EYS: variants seen among roughly 807,000 people sequenced by gnomAD.
EYS encodes the protein protein eyes shut homolog.
In EYS, 250 loss-of-function variants were observed where a neutral mutation model predicts 282.1. The ratio of observed to expected loss-of-function variants is 0.89; its 90% CI spans 0.80 to 0.98. The LOEUF (loss-of-function observed/expected upper bound fraction) is 0.98. Ranked by LOEUF, EYS falls within the 50% of genes least tolerant of loss-of-function variation. The pLI, the probability that EYS is intolerant of heterozygous loss-of-function variation, is 0.00. For synonymous variants in EYS, 1,355 were observed against 1,282.9 expected, an observed-to-expected ratio of 1.06 and a Z score of -1.20; for missense variants, 4,016 against 3,709.0, an observed-to-expected ratio of 1.08 and a Z score of -2.15.
chr6:65,480,333 T>A (rs1020279912), intron 5 of EYS, among the ~76,000 whole-genome samples: 5 of 152,144 alleles, frequency 3.3e-5, no homozygotes, highest in Non-Finnish European at 5.9e-5. Flanking sequence ...GTGAGCCATA[T>A]TGGCTTTCAA....
In EYS at chr6:63,721,389, T is replaced by G; in HGVS notation, c.8642A>C (p.Tyr2881Ser). ...TTCACCTCCATTTCTGCATGTGTTG[T>G]ACCCACAGGCTGTCCCATCACAGTC... Reference protein sequence around the residue: ...VGDCDGTACGYNTCRNGGECT... With the variant: ...VGDCDGTACGSNTCRNGGECT... Residue 2881 changes from tyrosine (Y) to serine (S), a missense_variant, in exon 43 of 43, where the codon TAC (tyrosine) becomes TCC (serine). Tyr to Ser is a moderately radical substitution (Grantham distance 144). Transcript: ENST00000503581. 2 of 1,551,752 alleles carry G rather than the reference T, an allele frequency of 1.3e-6. No individual in the cohort carries two copies. The highest frequency in any genetic ancestry group is 1.7e-6 in the Non-Finnish European group (2 of 1,146,910).
intron 13 of EYS, among the ~76,000 whole-genome samples, chr6:65,027,435 A>C (rs1772455734): frequency 6.6e-6 from 1 of 152,144 alleles, no homozygotes; most frequent in East Asian, 1.9e-4. Flanking sequence ...GATGTTTTTA[A>C]TTTGTGTACA....
intron 30 of EYS, among the ~76,000 whole-genome samples, chr6:64,254,735 G>A (rs981909130): frequency 7.2e-5 from 11 of 152,074 alleles, no homozygotes; most frequent in Non-Finnish European, 1.3e-4. Context: ...TTCTTGCCAC[G>A]TAGTAAATAA....
intron 24 of EYS, among the ~76,000 whole-genome samples, chr6:64,599,976 A>G (rs148828599): frequency 1.1e-3 from 164 of 152,274 alleles, no homozygotes; most frequent in African/African-American, 3.7e-3. Context: ...AACAGTTTCT[A>G]TTATCTCAAT....
At chr6:64,569,507 G>A (rs1030302256) in intron 26 of EYS, among the ~76,000 whole-genome samples, 2 of 151,806 alleles carry the variant, frequency 1.3e-5, no homozygotes, top group African/African-American at 2.4e-5. Context: ...TTTGGGAGGC[G>A]GAGGTGGGGG....
Position 63,937,345 on chromosome 6 carries a change from C to CTTTTTTTTT in EYS, c.7055+47029_7055+47037dup, listed in dbSNP as rs778809745. Among the ~76,000 whole-genome samples the CTTTTTTTTT allele has an allele frequency of 4.6e-4, 25 of 54,442 alleles. 1 individual carries two copies. Among genetic ancestry groups the CTTTTTTTTT allele is most frequent in the East Asian group, 6.5e-4 (1 of 1,540 alleles). 35.7% of individuals were successfully genotyped at this position (54,442 alleles called of 152,430 possible). ...CAAATTTTCTAGGCTTCTCTCTTTT[C>CTTTTTTTTT]TTTTTTTTTTTTTTTTTTTTTTTTT... On this transcript the variant is annotated intron_variant, in intron 35 of 42. Transcript: ENST00000503581.
intron 26 of EYS, among the ~76,000 whole-genome samples, chr6:64,586,263 T>C (rs551622979): frequency 2.6e-5 from 4 of 152,188 alleles, no homozygotes; most frequent in East Asian, 1.9e-4. Flanking sequence ...CAGACACTCA[T>C]TGAACTTGCT....
At chr6:63,843,208 A>G (rs1490081174) in intron 36 of EYS, among the ~76,000 whole-genome samples, 1 of 152,164 alleles carries the variant, frequency 6.6e-6, no homozygotes, top group African/African-American at 2.4e-5. Flanking sequence ...CAGTATGACC[A>G]TTTTCACGAT....
At chr6:65,311,022 A>G (rs1310063009) in intron 11 of EYS, among the ~76,000 whole-genome samples, 1 of 152,136 alleles carries the variant, frequency 6.6e-6, no homozygotes, top group Non-Finnish European at 1.5e-5. Context: ...AATATCTGTC[A>G]AATGAATACG....
At chr6:65,288,212 T>C (rs546268260) in intron 12 of EYS, among the ~76,000 whole-genome samples, 30 of 151,028 alleles carry the variant, frequency 2.0e-4, no homozygotes, top group African/African-American at 3.1e-4. Flanking sequence ...GACAAACTTA[T>C]GTCTGAGGGA....
intron 22 of EYS, among the ~76,000 whole-genome samples, chr6:64,773,032 A>C (rs770031256): frequency 3.3e-5 from 5 of 151,764 alleles, no homozygotes; most frequent in Non-Finnish European, 7.4e-5. Flanking sequence ...TGTTACATGG[A>C]TAATTTGCAT....
intron 26 of EYS, among the ~76,000 whole-genome samples, chr6:64,458,399 T>A (rs1331054993): frequency 2.2e-5 from 3 of 138,324 alleles, no homozygotes; most frequent in Non-Finnish European, 4.8e-5. Flanking sequence ...GTTAGAAAAG[T>A]CTTATTTCTC....
At chr6:63,830,147 C>T (rs982960521) in intron 36 of EYS, among the ~76,000 whole-genome samples, 8 of 152,126 alleles carry the variant, frequency 5.3e-5, no homozygotes, top group South Asian at 2.1e-4. Context: ...TTCTAAAAAT[C>T]GGAGTGTCTC....
chr6:65,486,318 T>G lies in EYS; in HGVS notation c.862+4276A>C, dbSNP rs575275126. ...GTGCTTTTTTTCTTGCTTCTTTTCA[T>G]CAACATTCAAAGTTTAGAAATGTTT... On this transcript the variant is annotated intron_variant, in intron 5 of 42. Coordinates refer to ENST00000503581, the MANE Select transcript of EYS (RefSeq NM_001142800.2). Among the ~76,000 whole-genome samples the G allele has an allele frequency of 1.1e-3, 174 of 152,326 alleles. 1 individual carries two copies. Among genetic ancestry groups the G allele is most frequent in the African/African-American group, 3.6e-3 (150 of 41,586 alleles).
intron 2 of EYS, among the ~76,000 whole-genome samples, chr6:65,615,709 C>T (rs1324636776): frequency 6.6e-6 from 1 of 151,792 alleles, no homozygotes; most frequent in African/African-American, 2.4e-5. Context: ...CCAAGGCGGG[C>T]AGATCATGAG....
intron 40 of EYS, among the ~76,000 whole-genome samples, chr6:63,772,175 T>A (rs1769946820): frequency 6.6e-6 from 1 of 151,954 alleles, no homozygotes; most frequent in South Asian, 2.1e-4. Context: ...AGATTTTTTT[T>A]TTTGAGGTGG....
At chr6:64,922,812 A>G (rs374068447) in intron 15 of EYS, among the ~76,000 whole-genome samples, 10 of 152,286 alleles carry the variant, frequency 6.6e-5, no homozygotes, top group African/African-American at 2.2e-4. Context: ...AAGGTAACAG[A>G]GACTATGACA....
chr6:65,145,015 C>T (rs1016604165), intron 12 of EYS, among the ~76,000 whole-genome samples: 3 of 152,108 alleles, frequency 2.0e-5, no homozygotes, highest in East Asian at 3.9e-4. Flanking sequence ...ATGTGATCCA[C>T]CCATCTTGGC....
intron 12 of EYS, among the ~76,000 whole-genome samples, chr6:65,266,015 AT>A (rs1767743678): frequency 6.6e-6 from 1 of 151,830 alleles, no homozygotes; most frequent in Non-Finnish European, 1.5e-5. Context: ...AAAAATTAAC[AT>A]TTAAGAAAAA....
Sources: allele counts gnomAD v4.1 joint callset (sites outside exome capture counted in the v4.1 genomes callset), GRCh38; gene constraint gnomAD v4.1.1; transcripts MANE v1.5; gene names NCBI Gene and HGNC (gene_info 2026-07-23, HGNC 2026-07-21).